BIVM: variants seen among roughly 807,000 people sequenced by gnomAD.
BIVM encodes basic immunoglobulin-like variable motif-containing protein.
In BIVM, 31 loss-of-function variants were observed where a neutral mutation model predicts 61.4. The observed-to-expected ratio is 0.51, with a 90% CI of 0.38 to 0.68. The LOEUF is 0.68. BIVM is among the 30% of genes least tolerant of loss of function. The pLI, the probability that BIVM is intolerant of heterozygous loss-of-function variation, is 0.00. For missense variants in BIVM, 526 were observed against 596.0 expected (o/e 0.88, Z 1.22); for synonymous variants, 189 against 210.7 (o/e 0.90, Z 0.89).
chr13:102,807,294 G>A lies in BIVM; in HGVS notation c.27G>A (p.Arg9=). The A allele has an allele frequency of 1.6e-5, 25 of 1,611,164 alleles. No homozygotes were observed. Among genetic ancestry groups the A allele is most frequent in the Non-Finnish European group, 2.1e-5 (25 of 1,177,654 alleles). ...TGCCTAACGTTGCAGAAACAGAAAG[G>A]TCAAATGATTCTGGAAATGGTGAGC... MPNVAETE[R]SNDSGNGEHK... is the part of the protein sequence containing the mutation. The change falls in exon 3 of 11, where the codon AGG becomes AGA. Residue 9 remains arginine (R), a synonymous_variant. Coordinates refer to ENST00000257336, the MANE Select transcript of BIVM (RefSeq NM_017693.4). The surrounding 1 kb of genome is among the most constrained non-coding windows in gnomAD (Gnocchi z 4.0).
intron 7 of BIVM, among the ~76,000 whole-genome samples, chr13:102,826,495 CCTAA>C (rs1000041867): frequency 2.0e-5 from 3 of 152,176 alleles, no homozygotes; most frequent in Admixed American, 1.3e-4. Flanking sequence ...AGAATCACTT[CCTAA>C]CTGATTCATA....
chr13:102,839,689 C>T lies in BIVM; in HGVS notation c.1336C>T (p.Gln446Ter). 1 of 1,614,136 alleles carries T rather than the reference C, an allele frequency of 6.2e-7. No individual in the cohort carries two copies. The highest frequency in any genetic ancestry group is 2.2e-5 in the East Asian group (1 of 44,878). ...RQESQPPTHAQGIAKSESEDN... is the reference protein window; with the variant it reads ...RQESQPPTHA ...AGAATCACAACCTCCAACACATGCC[C>T]AGGGAATTGCCAAATCTGAGAGTGA... is the stretch of plus-strand genomic sequence containing the variant. The change falls in exon 11 of 11, where the codon CAG becomes TAG. Residue 446 changes from glutamine to a stop codon, truncating the protein, a stop_gained. Transcript: ENST00000257336. LOFTEE classifies it high-confidence loss of function.
chr13:102,838,572 T>A, intron 9 of BIVM, 71 bp from the exon 10 acceptor site: 1 of 1,335,120 alleles, frequency 7.5e-7, no homozygotes. Context: ...AACTTGCTCA[T>A]GAAAAATTCC....
intron 9 of BIVM, among the ~76,000 whole-genome samples, chr13:102,834,893 TA>T (rs957509229): frequency 7.2e-5 from 11 of 152,352 alleles, no homozygotes; most frequent in African/African-American, 2.4e-4. Context: ...AAGAGTTTAT[TA>T]TTTTTTTATT....
intron 7 of BIVM, among the ~76,000 whole-genome samples, chr13:102,826,557 C>G (rs1044386890): frequency 2.6e-5 from 4 of 152,156 alleles, no homozygotes; most frequent in Non-Finnish European, 5.9e-5. Flanking sequence ...AAATGCATGT[C>G]TGGGAGTATA....
Position 102,821,086 on chromosome 13 carries a change from T to C in BIVM, c.655T>C (p.Leu219=). The part of the protein sequence containing the change: ...QYKTSCGISS[L]ISCWNFLYST... ...TAAGACTTCTTGTGGCATCTCTTCATTAATTTCTTGTTGGAATTTCTTATA... is the reference window on the plus strand; with the variant it reads ...TAAGACTTCTTGTGGCATCTCTTCACTAATTTCTTGTTGGAATTTCTTATA... The change falls in exon 5 of 11, where the codon TTA becomes CTA. Residue 219 remains leucine (L), a synonymous_variant. Coordinates refer to ENST00000257336, the MANE Select transcript of BIVM (RefSeq NM_017693.4). 3 of 1,613,688 alleles carry C rather than the reference T, an allele frequency of 1.9e-6. No individual in the cohort carries two copies. The highest frequency in any genetic ancestry group is 2.5e-6 in the Non-Finnish European group (3 of 1,179,892).
chr13:102,835,729 C>T (rs919693491), intron 9 of BIVM, among the ~76,000 whole-genome samples: 8 of 152,182 alleles, frequency 5.3e-5, no homozygotes, highest in African/African-American at 9.7e-5. Flanking sequence ...GACGGGGTTT[C>T]GCCATGTTGG....
chr13:102,804,228 A>T (rs1462712504), intron 1 of BIVM, among the ~76,000 whole-genome samples: 1 of 152,104 alleles, frequency 6.6e-6, no homozygotes, highest in Non-Finnish European at 1.5e-5. Context: ...GCTCAACGCA[A>T]CCTCCACCTT....
intron 1 of BIVM, among the ~76,000 whole-genome samples, chr13:102,801,202 C>T (rs1288867485): frequency 2.0e-5 from 3 of 151,570 alleles, no homozygotes; most frequent in Admixed American, 1.3e-4. Context: ...TATGAGTAAG[C>T]TATTAGTTGA....
intron 7 of BIVM, among the ~76,000 whole-genome samples, chr13:102,827,254 T>TGTA (rs1363100120): frequency 6.6e-6 from 1 of 150,614 alleles, no homozygotes; most frequent in Admixed American, 6.7e-5. Context: ...ATCTAGGATG[T>TGTA]GTAGCATTGG....
chr13:102,816,559 T>C lies in BIVM; in HGVS notation c.605+5T>C. 1 of 1,516,294 alleles carries C rather than the reference T, an allele frequency of 6.6e-7. No homozygotes were observed. The highest frequency in any genetic ancestry group is 2.4e-5 in the Admixed American group (1 of 40,826). The allele number at this position is 1,516,294 out of a possible 1,614,324, so 93.9% of individuals were successfully genotyped here. Reference sequence around the variant, plus strand: ...AGTATTAGACCTCAGACGATGGTGATGTTATCAGTTTTTATTTTTTTCATT... The same window carrying C: ...AGTATTAGACCTCAGACGATGGTGACGTTATCAGTTTTTATTTTTTTCATT... On this transcript the variant is annotated splice_donor_5th_base_variant and intron_variant, in intron 4 of 10. Coordinates refer to ENST00000257336, the MANE Select transcript of BIVM (RefSeq NM_017693.4).
Position 102,821,054 on chromosome 13 carries a change from C to T in BIVM, c.623C>T (p.Pro208Leu), listed in dbSNP as rs1880240940. Residue 208 changes from proline to leucine, a missense_variant, in exon 5 of 11, where the codon CCA becomes CTA. By Grantham distance (98) the Pro-to-Leu change is moderately conservative. This residue lies in a region of BIVM where 312 missense variants were observed against 343.8 expected (regional missense o/e 0.91). Transcript: ENST00000257336. ...GTTCTCAGGTACTGCATAAGCCGAC[C>T]ACAGTATAAGACTTCTTGTGGCATC... The part of the protein sequence containing the change: ...DLRRWYCISR[P>L]QYKTSCGISS... 1 of 1,612,794 alleles carries T rather than the reference C, an allele frequency of 6.2e-7. No homozygotes were observed. Among genetic ancestry groups the T allele is most frequent in the Non-Finnish European group, 8.5e-7 (1 of 1,179,748 alleles).
chr13:102,835,652 C>T (rs113019740), intron 9 of BIVM, among the ~76,000 whole-genome samples: 2 of 152,288 alleles, frequency 1.3e-5, no homozygotes, highest in East Asian at 1.9e-4. Flanking sequence ...CCTGCCGTAG[C>T]CTCCTGAGTA....
chr13:102,802,745 C>CTTTT (rs35905954), intron 1 of BIVM, among the ~76,000 whole-genome samples: 2 of 132,148 alleles, frequency 1.5e-5, no homozygotes, highest in Non-Finnish European at 3.2e-5. Context: ...TCTCTCTTTC[C>CTTTT]TTTTTTTTTT....
intron 1 of BIVM, among the ~76,000 whole-genome samples, chr13:102,802,888 G>C (rs1248444869): frequency 1.3e-5 from 2 of 151,626 alleles, no homozygotes; most frequent in East Asian, 1.9e-4. Flanking sequence ...AGATATTACA[G>C]GTATGAGCCA....
At chr13:102,805,723 T>C (rs1879023952) in intron 2 of BIVM, among the ~76,000 whole-genome samples, 1 of 152,222 alleles carries the variant, frequency 6.6e-6, no homozygotes, top group South Asian at 2.1e-4. Context: ...GATTTGCCTG[T>C]TCTGGACATG....
chr13:102,837,996 C>G (rs1265380567), intron 9 of BIVM, among the ~76,000 whole-genome samples: 1 of 151,966 alleles, frequency 6.6e-6, no homozygotes, highest in Admixed American at 6.5e-5. Context: ...GAAATCACCA[C>G]CGAAGAACTT....
Position 102,821,143 on chromosome 13 carries a change from C to A in BIVM, c.701+11C>A. ...AATGGGAGCTGGAAAGTAAGTATGT[C>A]AATTTATCAGTACCCCCAAACTCCA... On this transcript the variant is annotated intron_variant, in intron 5 of 10. Coordinates refer to ENST00000257336, the MANE Select transcript of BIVM (RefSeq NM_017693.4). The A allele has an allele frequency of 1.9e-6, 3 of 1,604,198 alleles. No homozygotes were observed. Among genetic ancestry groups the A allele is most frequent in the South Asian group, 1.1e-5 (1 of 88,528 alleles).
Position 102,834,444 on chromosome 13 carries a change from T to C in BIVM, c.1035-22T>C, listed in dbSNP as rs756998741. ...TCAAGGGAGTAACTATTAAACGTAC[T>C]GTGAATGTATTTTATATTTAGCAGG... On this transcript the variant is annotated intron_variant, in intron 8 of 10. Coordinates refer to ENST00000257336, the MANE Select transcript of BIVM (RefSeq NM_017693.4). The C allele has an allele frequency of 2.5e-6, 4 of 1,584,594 alleles. No individual in the cohort carries two copies. The African/African-American group carries it at 4.1e-5, about 16-fold the overall frequency.
Sources: allele counts gnomAD v4.1 joint callset (sites outside exome capture counted in the v4.1 genomes callset), GRCh38; gene constraint gnomAD v4.1.1; regional missense constraint gnomAD v4.1.1; non-coding constraint Gnocchi (gnomAD v3.1); transcripts MANE v1.5; gene names NCBI Gene and HGNC (gene_info 2026-07-23, HGNC 2026-07-21).